NRXN3: variants seen among roughly 807,000 people sequenced by gnomAD.
The protein encoded by NRXN3 is neurexin III.
Under a neutral mutation model 137.6 loss-of-function variants are expected in NRXN3, and 32 were observed. The ratio of observed to expected loss-of-function variants is 0.23; its 90% CI spans 0.18 to 0.31. NRXN3 has a LOEUF of 0.31. Among genes scored for constraint, NRXN3 ranks in the 10% least tolerant of loss-of-function variants. The probability of loss-of-function intolerance (pLI) is 1.00; values close to 1 mark genes in which losing one functional copy is unlikely to be tolerated. For synonymous variants in NRXN3, 798 were observed against 784.5 expected (o/e 1.02, Z -0.29); for missense variants, 1,574 against 2,062.5 (o/e 0.76, Z 4.59).
intron 15 of NRXN3, among the ~76,000 whole-genome samples, chr14:79,161,849 C>CT (rs1459082087): frequency 4.6e-5 from 7 of 151,822 alleles, no homozygotes; most frequent in Non-Finnish European, 1.0e-4. Flanking sequence ...CTGGGATCCC[C>CT]TGCCTGCACT....
At chr14:79,846,351 A>G (rs2099372406) in intron 20 of NRXN3, among the ~76,000 whole-genome samples, 1 of 152,192 alleles carries the variant, frequency 6.6e-6, no homozygotes, top group Non-Finnish European at 1.5e-5. Context: ...TTCATGTGCT[A>G]TCTGTTCCCA....
Position 79,320,909 on chromosome 14 carries a change from A to G in NRXN3, c.3263-146312A>G, listed in dbSNP as rs187131714. Among the ~76,000 whole-genome samples the G allele has an allele frequency of 7.0e-3, 1,022 of 146,628 alleles. 8 individuals are homozygous for G. Among genetic ancestry groups the G allele is most frequent in the Middle Eastern group, 0.043 (12 of 278 alleles). On this transcript the variant is annotated intron_variant, in intron 15 of 20. Transcript: ENST00000335750. ...AGTGCCAAGAATGGCTTCTTTATTT[A>G]TTCTTGAACTCCAATACCTATCACA...
chr14:78,934,805 T>A (rs1435800544), intron 10 of NRXN3, among the ~76,000 whole-genome samples: 2 of 151,072 alleles, frequency 1.3e-5, no homozygotes, highest in African/African-American at 4.9e-5. Context: ...CACTGGGCAC[T>A]GTTGTGGGGT....
At chr14:78,314,801 C>G (rs2078366418) in intron 4 of NRXN3, among the ~76,000 whole-genome samples, 1 of 152,130 alleles carries the variant, frequency 6.6e-6, no homozygotes, top group Non-Finnish European at 1.5e-5. Context: ...AGTATGGTTT[C>G]TATGAGATAG....
At chr14:79,560,446 G>C (rs965924289) in intron 16 of NRXN3, among the ~76,000 whole-genome samples, 1 of 145,822 alleles carries the variant, frequency 6.9e-6, no homozygotes, top group African/African-American at 2.5e-5. Flanking sequence ...ATTTCTGGAA[G>C]CCATTTTGAC....
rs2095235676 is a variant in NRXN3 at position 78,470,351 on chromosome 14, G to A, written c.757+172491G>A. Among the ~76,000 whole-genome samples the A allele has an allele frequency of 2.6e-5, 4 of 152,060 alleles. No homozygotes were observed. In the South Asian group the frequency reaches 6.2e-4, roughly 24 times the overall value. On this transcript the variant is annotated intron_variant, in intron 4 of 20. Transcript: ENST00000335750. Reference sequence around the variant, plus strand: ...GAATTTTCACTTCTTTAAAGGGTAGGTGATTCTTATATAAACAGTTTTAGA... The same window carrying A: ...GAATTTTCACTTCTTTAAAGGGTAGATGATTCTTATATAAACAGTTTTAGA...
chr14:78,327,891 G>A (rs1464299561), intron 4 of NRXN3, among the ~76,000 whole-genome samples: 2 of 152,146 alleles, frequency 1.3e-5, no homozygotes, highest in Non-Finnish European at 2.9e-5. Context: ...AGGATCCAGG[G>A]GAATGTAGAG....
chr14:79,504,057 T>C (rs1249307444), intron 16 of NRXN3, among the ~76,000 whole-genome samples: 1 of 152,164 alleles, frequency 6.6e-6, no homozygotes, highest in African/African-American at 2.4e-5. Context: ...GGTGGATCTA[T>C]CTTCTATATA....
intron 4 of NRXN3, among the ~76,000 whole-genome samples, chr14:78,392,126 G>A (rs1286873426): frequency 1.3e-5 from 2 of 152,168 alleles, no homozygotes; most frequent in African/African-American, 4.8e-5. Flanking sequence ...GATGAGAAAT[G>A]CGGTTTGATA....
intron 20 of NRXN3, among the ~76,000 whole-genome samples, chr14:79,838,567 A>G (rs541016381): frequency 6.6e-6 from 1 of 152,214 alleles, no homozygotes; most frequent in Non-Finnish European, 1.5e-5. Context: ...TTTCACTATT[A>G]CCACAGAGAA....
chr14:79,212,851 G>T (rs2067895734), intron 15 of NRXN3, among the ~76,000 whole-genome samples: 1 of 151,040 alleles, frequency 6.6e-6, no homozygotes, highest in Admixed American at 6.6e-5. Context: ...CTCCAAATTT[G>T]TTTGACCTTG....
intron 15 of NRXN3, among the ~76,000 whole-genome samples, chr14:79,012,887 G>A (rs758333647): frequency 6.6e-6 from 1 of 152,150 alleles, no homozygotes; most frequent in African/African-American, 2.4e-5. Context: ...GGCCTTGGAA[G>A]GGTTTAGTTC....
intron 19 of NRXN3, among the ~76,000 whole-genome samples, chr14:79,775,162 A>C (rs2099092778): frequency 6.6e-6 from 1 of 152,166 alleles, no homozygotes; most frequent in Non-Finnish European, 1.5e-5. Context: ...TATTAATGTC[A>C]CAACCAGCTA....
chr14:79,495,578 G>A (rs1469206422), intron 16 of NRXN3, among the ~76,000 whole-genome samples: 3 of 151,952 alleles, frequency 2.0e-5, no homozygotes, highest in African/African-American at 4.8e-5. Context: ...TTTATTGAGC[G>A]CTTATTACAT....
intron 1 of NRXN3, among the ~76,000 whole-genome samples, chr14:78,173,730 A>C (rs2058993866): frequency 1.4e-4 from 1 of 7,194 alleles, no homozygotes; most frequent in African/African-American, 6.6e-4. Context: ...TTTTTGCAAC[A>C]CAACAGTCGT....
At chr14:79,286,336 A>G (rs774925176) in intron 15 of NRXN3, among the ~76,000 whole-genome samples, 8 of 152,120 alleles carry the variant, frequency 5.3e-5, no homozygotes, top group Non-Finnish European at 7.4e-5. Context: ...AAACAAGAGA[A>G]AAAATAGGTT....
At chr14:79,499,956 C>T (rs1472651566) in intron 16 of NRXN3, among the ~76,000 whole-genome samples, 1 of 145,140 alleles carries the variant, frequency 6.9e-6, no homozygotes, top group Non-Finnish European at 1.5e-5. Context: ...ATCTTAGGGT[C>T]GTGTGTGTGT....
chr14:78,955,949 G>A (rs60746359), intron 10 of NRXN3, among the ~76,000 whole-genome samples: 18,499 of 152,018 alleles, frequency 0.12, 2,297 homozygotes, highest in East Asian at 0.43. Context: ...GACTCTAATT[G>A]ATGGTTACCA....
At chr14:79,226,773 G>T in intron 15 of NRXN3, among the ~76,000 whole-genome samples, 1 of 148,908 alleles carries the variant, frequency 6.7e-6, no homozygotes, top group East Asian at 2.0e-4. Context: ...GCAGATTTCA[G>T]CTATATTTTG....
Sources: gnomAD v4.1 joint callset for allele counts (sites outside exome capture counted in the v4.1 genomes callset) on GRCh38, gnomAD v4.1.1 for gene constraint, MANE v1.5 for transcripts, NCBI Gene and HGNC (gene_info 2026-07-23, HGNC 2026-07-21) for gene names.